Variants in PLEKHM3 observed in about 807,000 individuals in gnomAD.
PLEKHM3 encodes pleckstrin homology domain containing M3.
In PLEKHM3, 45 loss-of-function variants were observed where a neutral mutation model predicts 81.8. The observed-to-expected ratio is 0.55, with a 90% CI of 0.43 to 0.71. The LOEUF is 0.71. PLEKHM3 is among the 30% of genes least tolerant of loss of function. PLEKHM3 has a pLI of 0.00. For synonymous variants in PLEKHM3, 352 were observed against 356.4 expected, an observed-to-expected ratio of 0.99 and a Z score of 0.14; for missense variants, 788 against 924.3, an observed-to-expected ratio of 0.85 and a Z score of 1.91.
chr2:207,860,737 T>C (rs1265856943), intron 7 of PLEKHM3, among the ~76,000 whole-genome samples: 1 of 152,152 alleles, frequency 6.6e-6, no homozygotes. Context: ...TCGGTCCAGT[T>C]TGGGCCTTCC....
intron 4 of PLEKHM3, among the ~76,000 whole-genome samples, chr2:207,944,331 G>A (rs1330484262): frequency 6.6e-6 from 1 of 152,200 alleles, no homozygotes; most frequent in Admixed American, 6.5e-5. Context: ...CAACAGATTT[G>A]GCAAAATTGT....
chr2:207,927,987 T>A (rs1689459097), intron 5 of PLEKHM3, among the ~76,000 whole-genome samples: 2 of 152,156 alleles, frequency 1.3e-5, no homozygotes, highest in Admixed American at 6.5e-5. Context: ...TTTAATTAAA[T>A]TTTTTAATAA....
chr2:207,858,174 G>GTGTGTA (rs373920637), intron 7 of PLEKHM3, among the ~76,000 whole-genome samples: 6,691 of 122,758 alleles, frequency 0.055, 217 homozygotes, highest in Non-Finnish European at 0.077. Context: ...GTGTGTGTGT[G>GTGTGTA]TATATATTTT....
At chr2:207,883,322 C>G (rs1687766239) in intron 6 of PLEKHM3, among the ~76,000 whole-genome samples, 1 of 152,094 alleles carries the variant, frequency 6.6e-6, no homozygotes, top group African/African-American at 2.4e-5. Flanking sequence ...CATCAGAGTC[C>G]AATGGTGAGG....
chr2:207,888,072 A>T (rs1687936816), intron 6 of PLEKHM3, among the ~76,000 whole-genome samples: 2 of 151,888 alleles, frequency 1.3e-5, no homozygotes, highest in Non-Finnish European at 1.5e-5. Flanking sequence ...TCTCGGTGAC[A>T]TCTTTACCAC....
At chr2:207,929,627 C>T (rs1474164269) in intron 5 of PLEKHM3, among the ~76,000 whole-genome samples, 3 of 152,190 alleles carry the variant, frequency 2.0e-5, no homozygotes. Context: ...TCTGCCTAGA[C>T]TTTATAAGAA....
intron 1 of PLEKHM3, among the ~76,000 whole-genome samples, chr2:208,009,284 C>G (rs987692727): frequency 2.0e-5 from 3 of 152,170 alleles, no homozygotes; most frequent in African/African-American, 7.2e-5. Context: ...CTGAAATACC[C>G]TCTTCCCACC....
intron 3 of PLEKHM3, among the ~76,000 whole-genome samples, chr2:207,953,441 C>T (rs141328398): frequency 2.0e-4 from 30 of 152,156 alleles, no homozygotes; most frequent in African/African-American, 7.2e-4. Context: ...AATTTTATAG[C>T]AGTGAGAGAT....
At chr2:208,002,922 CAAA>C (rs1553565124) in intron 1 of PLEKHM3, among the ~76,000 whole-genome samples, 2 of 149,274 alleles carry the variant, frequency 1.3e-5, no homozygotes, top group Non-Finnish European at 3.0e-5. Flanking sequence ...AAAAAAAAAA[CAAA>C]TAAAACAACT....
chr2:207,888,827 T>A (rs1375903762), intron 6 of PLEKHM3, among the ~76,000 whole-genome samples: 1 of 152,242 alleles, frequency 6.6e-6, no homozygotes, highest in African/African-American at 2.4e-5. Flanking sequence ...GAGGCTTTAA[T>A]ACTTTAGGAT....
intron 2 of PLEKHM3, among the ~76,000 whole-genome samples, chr2:207,985,991 A>T (rs1438305447): frequency 1.3e-5 from 2 of 151,246 alleles, no homozygotes; most frequent in Admixed American, 6.6e-5. Flanking sequence ...CCGTCTCAAA[A>T]AAAAAAAAAA....
chr2:207,855,324 C>G (rs2092432114), intron 7 of PLEKHM3, among the ~76,000 whole-genome samples: 1 of 152,072 alleles, frequency 6.6e-6, no homozygotes, highest in Admixed American at 6.6e-5. Context: ...AAAGCTGGGA[C>G]AGTCTGAACA....
chr2:207,837,752 G>A (rs1217748475), intron 7 of PLEKHM3, among the ~76,000 whole-genome samples: 3 of 111,310 alleles, frequency 2.7e-5, no homozygotes, highest in Non-Finnish European at 5.3e-5. Flanking sequence ...GCGCCTGGCC[G>A]GTTCTTCCAT....
At chr2:207,969,553 T>A (rs1691040121) in intron 3 of PLEKHM3, among the ~76,000 whole-genome samples, 1 of 152,260 alleles carries the variant, frequency 6.6e-6, no homozygotes, top group East Asian at 1.9e-4. Flanking sequence ...GTCAATAATG[T>A]TTGTTTAATA....
At chr2:207,950,710 G>A (rs1447800316) in intron 3 of PLEKHM3, among the ~76,000 whole-genome samples, 1 of 152,122 alleles carries the variant, frequency 6.6e-6, no homozygotes, top group Non-Finnish European at 1.5e-5. Flanking sequence ...CAGAGGGGGT[G>A]CAGACTGCTC....
At chr2:207,882,902 C>T (rs1410717870) in intron 6 of PLEKHM3, among the ~76,000 whole-genome samples, 2 of 152,034 alleles carry the variant, frequency 1.3e-5, no homozygotes, top group Non-Finnish European at 2.9e-5. Context: ...GTGCCCGCCA[C>T]CATGCCCAGC....
intron 7 of PLEKHM3, among the ~76,000 whole-genome samples, chr2:207,848,435 TC>T (rs2092396030): frequency 6.6e-6 from 1 of 152,160 alleles, no homozygotes; most frequent in South Asian, 2.1e-4. Context: ...CATGGAGCCT[TC>T]TCCATGCACT....
In PLEKHM3 at chr2:208,008,596, C is replaced by A. The variant is rs942251770; in HGVS notation, c.-318-6639G>T. 2.0e-5 allele frequency among the ~76,000 whole-genome samples: 3 copies of A among 151,916 alleles called. 1 individual carries two copies. ...TTACAACCTGACACAAGACCCCACT[C>A]AATTGAACTTCTCTTCTATAGCCAC... On this transcript the variant is annotated intron_variant, in intron 1 of 7. Transcript: ENST00000427836.
intron 6 of PLEKHM3, among the ~76,000 whole-genome samples, chr2:207,866,765 G>T (rs1396717972): frequency 1.3e-5 from 2 of 151,744 alleles, no homozygotes; most frequent in African/African-American, 2.4e-5. Flanking sequence ...TTTCATGTAG[G>T]CTTCACAGCT....
Sources: allele counts gnomAD v4.1 joint callset (sites outside exome capture counted in the v4.1 genomes callset), GRCh38; gene constraint gnomAD v4.1.1; transcripts MANE v1.5; gene names NCBI Gene and HGNC (gene_info 2026-07-23, HGNC 2026-07-21).